The following ARL13B variants were observed in gnomAD, a reference collection of about 807,000 sequenced individuals.
ARL13B encodes ADP-ribosylation factor-like protein 13B.
Under a neutral mutation model 56.1 loss-of-function variants are expected in ARL13B, and 36 were observed. That is an observed-to-expected ratio of 0.64 (90% confidence interval 0.49 to 0.85). The LOEUF (loss-of-function observed/expected upper bound fraction) is 0.85. Ranked by LOEUF, ARL13B falls within the 40% of genes least tolerant of loss-of-function variation. ARL13B has a pLI of 0.00. For missense variants in ARL13B, 519 were observed against 507.1 expected, an observed-to-expected ratio of 1.02 and a Z score of -0.23; for synonymous variants, 178 against 171.1, an observed-to-expected ratio of 1.04 and a Z score of -0.32.
rs540875183 is a variant in ARL13B at position 94,012,681 on chromosome 3, A to G, written c.380+8773A>G. Among the ~76,000 whole-genome samples the G allele has an allele frequency of 9.2e-5, 14 of 152,306 alleles. No individual in the cohort carries two copies. The East Asian group carries it at 2.7e-3, about 29-fold the overall frequency. Reference sequence around the variant, plus strand: ...TATCTACTCTGAAATAATTGGAACAATGAGTAGGACATTGCGAATACTTTA... The same window carrying G: ...TATCTACTCTGAAATAATTGGAACAGTGAGTAGGACATTGCGAATACTTTA... On this transcript the variant is annotated intron_variant, in intron 3 of 9. Coordinates refer to ENST00000394222, the MANE Select transcript of ARL13B (RefSeq NM_001174150.2).
chr3:93,989,560 T>A (rs1710639038), intron 1 of ARL13B, among the ~76,000 whole-genome samples: 1 of 152,142 alleles, frequency 6.6e-6, no homozygotes, highest in South Asian at 2.1e-4. Context: ...GGTTAATTTT[T>A]TTTTTTTTTT....
chr3:94,049,488 T>C lies in ARL13B; in HGVS notation c.1107T>C (p.Pro369=). 2 of 1,611,952 alleles carry C rather than the reference T, an allele frequency of 1.2e-6. No individual in the cohort carries two copies. The highest frequency in any genetic ancestry group is 1.7e-6 in the Non-Finnish European group (2 of 1,179,108). Residue 369 remains proline (P), a synonymous_variant, in exon 8 of 10, where the codon CCT becomes CCC. Coordinates refer to ENST00000394222, the MANE Select transcript of ARL13B (RefSeq NM_001174150.2). The part of the protein sequence containing the change: ...VEPLNIDDCA[P]ESPTPPPPPP... Reference sequence around the variant, plus strand: ...CACTTAATATAGATGACTGTGCTCCTGAGAGTCCAACGCCACCCCCACCCC... The same window carrying C: ...CACTTAATATAGATGACTGTGCTCCCGAGAGTCCAACGCCACCCCCACCCC...
chr3:94,029,301 C>CATATATATATATATATAT (rs1242349606), intron 3 of ARL13B, among the ~76,000 whole-genome samples: 4 of 77,208 alleles, frequency 5.2e-5, no homozygotes, highest in African/African-American at 1.1e-4. Context: ...CTATCAAAAT[C>CATATATATATATATATAT]ATATATATAT....
intron 5 of ARL13B, among the ~76,000 whole-genome samples, chr3:94,038,847 A>G (rs1014410665): frequency 1.3e-5 from 2 of 152,072 alleles, no homozygotes; most frequent in African/African-American, 4.8e-5. Context: ...AACATTACTC[A>G]TCATGTATGG....
At chr3:94,030,158 G>A (rs982300401) in intron 3 of ARL13B, among the ~76,000 whole-genome samples, 1 of 152,118 alleles carries the variant, frequency 6.6e-6, no homozygotes, top group Non-Finnish European at 1.5e-5. Context: ...AAGGCAGAGA[G>A]ATAGCAAATA....
intron 6 of ARL13B, among the ~76,000 whole-genome samples, 196 bp from the exon 7 acceptor site, chr3:94,042,819 G>C (rs982974598): frequency 1.3e-5 from 2 of 152,008 alleles, no homozygotes; most frequent in Admixed American, 6.6e-5. Context: ...GTTTGCTTTT[G>C]TTATACTTTC....
chr3:93,985,514 CA>C (rs1338745311), intron 1 of ARL13B, among the ~76,000 whole-genome samples: 1 of 152,042 alleles, frequency 6.6e-6, no homozygotes, highest in Non-Finnish European at 1.5e-5. Flanking sequence ...CAAATTTTGG[CA>C]ACAAAATTCT....
chr3:94,037,642 G>A (rs2107124043), intron 5 of ARL13B, among the ~76,000 whole-genome samples: 1 of 151,912 alleles, frequency 6.6e-6, no homozygotes, highest in South Asian at 2.1e-4. Flanking sequence ...TTCTTAGTAT[G>A]TATTTTTATC....
intron 3 of ARL13B, 60 bp from the exon 4 acceptor site, chr3:94,035,271 T>A: frequency 9.3e-6 from 10 of 1,072,306 alleles, no homozygotes; most frequent in South Asian, 1.4e-5. Context: ...GGTCAAAATA[T>A]CTTTAAGTTT....
At chr3:94,046,400 A>G (rs1322633429) in intron 7 of ARL13B, among the ~76,000 whole-genome samples, 1 of 152,052 alleles carries the variant, frequency 6.6e-6, no homozygotes, top group Non-Finnish European at 1.5e-5. Flanking sequence ...CTTGAATATA[A>G]TATATTCCTT....
intron 7 of ARL13B, among the ~76,000 whole-genome samples, chr3:94,043,874 T>A (rs2076922346): frequency 6.7e-6 from 1 of 150,122 alleles, no homozygotes; most frequent in Non-Finnish European, 1.5e-5. Flanking sequence ...ACCGATCTGG[T>A]CTCCAGCTCC....
At chr3:94,004,200 C>A (rs1271694120) in intron 3 of ARL13B, among the ~76,000 whole-genome samples, 2 of 152,054 alleles carry the variant, frequency 1.3e-5, no homozygotes, top group Admixed American at 6.6e-5. Flanking sequence ...TTGAAATACT[C>A]CATTAACAAG....
intron 7 of ARL13B, 26 bp from the exon 8 acceptor site, chr3:94,049,380 G>T (rs563679139): frequency 1.4e-6 from 2 of 1,404,708 alleles, no homozygotes; most frequent in African/African-American, 1.4e-5. Context: ...ATAAAGACAT[G>T]AAGTTTCATG....
At chr3:93,980,600 T>C (rs1397739131) in intron 1 of ARL13B, 118 bp downstream of exon 1, 1 of 1,276,638 alleles carries the variant, frequency 7.8e-7, no homozygotes, top group East Asian at 2.4e-5. Flanking sequence ...CAAGGGATGC[T>C]TTCATTCCCA....
intron 1 of ARL13B, among the ~76,000 whole-genome samples, chr3:93,983,576 G>T (rs2107317893): frequency 6.6e-6 from 1 of 152,260 alleles, no homozygotes; most frequent in East Asian, 1.9e-4. Context: ...TTTTCACTGA[G>T]AAAATCAAGA....
chr3:93,999,960 C>T (rs2076026579), intron 2 of ARL13B, among the ~76,000 whole-genome samples: 1 of 152,180 alleles, frequency 6.6e-6, no homozygotes, highest in Non-Finnish European at 1.5e-5. Context: ...TTCTCCCTCA[C>T]CTACATGGTT....
intron 3 of ARL13B, among the ~76,000 whole-genome samples, chr3:94,033,834 T>C (rs990564653): frequency 2.0e-5 from 3 of 152,154 alleles, no homozygotes; most frequent in Non-Finnish European, 4.4e-5. Context: ...TCATCCAGCT[T>C]CTTACCACCA....
At chr3:94,021,431 G>A (rs1376901866) in intron 3 of ARL13B, among the ~76,000 whole-genome samples, 1 of 152,022 alleles carries the variant, frequency 6.6e-6, no homozygotes, top group Non-Finnish European at 1.5e-5. Flanking sequence ...CTGACCTCAA[G>A]TGATCTGCCC....
chr3:94,014,947 C>G (rs556745116), intron 3 of ARL13B: 1 of 1,613,800 alleles, frequency 6.2e-7, no homozygotes, highest in African/African-American at 1.3e-5. Flanking sequence ...ATCATTCAAA[C>G]TTCTGTTGAT....
Sources: allele counts gnomAD v4.1 joint callset (sites outside exome capture counted in the v4.1 genomes callset), GRCh38; gene constraint gnomAD v4.1.1; transcripts MANE v1.5; gene names NCBI Gene and HGNC (gene_info 2026-07-23, HGNC 2026-07-21).